CSMD2: variants seen among roughly 807,000 people sequenced by gnomAD.
CSMD2 encodes CUB and sushi domain-containing protein 2.
In CSMD2, 130 loss-of-function variants were observed where a neutral mutation model predicts 398.5. The ratio of observed to expected loss-of-function variants is 0.33; its 90% confidence interval spans 0.28 to 0.38. The LOEUF is 0.38. CSMD2 is among the 10% of genes least tolerant of loss of function. The probability of loss-of-function intolerance (pLI) is 1.00; values close to 1 mark genes in which losing one functional copy is unlikely to be tolerated. For synonymous variants in CSMD2, 1,828 were observed against 1,908.5 expected, an observed-to-expected ratio of 0.96 and a Z score of 1.10; for missense variants, 3,829 against 4,764.9, an observed-to-expected ratio of 0.80 and a Z score of 5.78.
At chr1:33,737,169 G>A (rs1426798886) in intron 15 of CSMD2, among the ~76,000 whole-genome samples, 1 of 152,184 alleles carries the variant, frequency 6.6e-6, no homozygotes, top group African/African-American at 2.4e-5. Flanking sequence ...TAATTCTACA[G>A]CTGGGAAGCA....
chr1:33,986,545 T>G (rs1646365508), intron 3 of CSMD2, among the ~76,000 whole-genome samples: 1 of 152,114 alleles, frequency 6.6e-6, no homozygotes, highest in Non-Finnish European at 1.5e-5. Context: ...CTCAGTGCCC[T>G]CCCCAGAGCT....
chr1:33,773,921 G>C (rs972649417), intron 12 of CSMD2, among the ~76,000 whole-genome samples: 2 of 152,138 alleles, frequency 1.3e-5, no homozygotes, highest in Non-Finnish European at 2.9e-5. Context: ...AAGTTGGTGT[G>C]TGTGATCCTG....
At chr1:33,523,493 G>A (rs1426143856) in intron 66 of CSMD2, 74 bp from the exon 67 acceptor site, 1 of 699,660 alleles carries the variant, frequency 1.4e-6, no homozygotes, top group African/African-American at 1.8e-5. Flanking sequence ...TGGGTTTGTG[G>A]GTGTAAGTTT....
intron 4 of CSMD2, among the ~76,000 whole-genome samples, chr1:33,920,374 C>CAAA (rs35843397): frequency 9.1e-6 from 1 of 110,096 alleles, no homozygotes; most frequent in Non-Finnish European, 2.0e-5. Flanking sequence ...ACTAAAAATA[C>CAAA]AAAAAAAAAA....
chr1:33,674,871 C>T (rs551627290), intron 25 of CSMD2, among the ~76,000 whole-genome samples: 82 of 152,162 alleles, frequency 5.4e-4, no homozygotes, highest in Non-Finnish European at 1.0e-3. Context: ...GGGTACATAA[C>T]GAAATGAAGG....
intron 24 of CSMD2, among the ~76,000 whole-genome samples, chr1:33,697,262 A>G (rs182322894): frequency 2.0e-5 from 3 of 152,260 alleles, no homozygotes; most frequent in Admixed American, 1.3e-4. Context: ...GTGTTTATGC[A>G]AGCATCACCC....
At chr1:33,884,369 A>G (rs1641443702) in intron 5 of CSMD2, among the ~76,000 whole-genome samples, 1 of 143,976 alleles carries the variant, frequency 6.9e-6, no homozygotes, top group African/African-American at 2.8e-5. Context: ...GGGGCACCTC[A>G]AACTTAAGAT....
At chr1:34,092,247 A>G (rs1658657147) in intron 1 of CSMD2, among the ~76,000 whole-genome samples, 1 of 152,242 alleles carries the variant, frequency 6.6e-6, no homozygotes, top group South Asian at 2.1e-4. Flanking sequence ...TTGAGTGGAT[A>G]CAGAAAGGTT....
At chr1:33,929,514 T>G (rs1644244964) in intron 4 of CSMD2, among the ~76,000 whole-genome samples, 1 of 145,546 alleles carries the variant, frequency 6.9e-6, no homozygotes, top group Non-Finnish European at 1.5e-5. Context: ...CTCAGCTCAC[T>G]GAAACCTCCA....
At chr1:33,955,289 G>A (rs745854010) in intron 3 of CSMD2, among the ~76,000 whole-genome samples, 32 of 152,152 alleles carry the variant, frequency 2.1e-4, no homozygotes, top group Non-Finnish European at 3.4e-4. Flanking sequence ...GGAGTGTGCC[G>A]AGCTTTGTTG....
At chr1:34,079,069 T>C (rs1431584300) in intron 2 of CSMD2, among the ~76,000 whole-genome samples, 1 of 152,198 alleles carries the variant, frequency 6.6e-6, no homozygotes, top group African/African-American at 2.4e-5. Flanking sequence ...CAGTGCATTT[T>C]CCACACTGCC....
At chr1:33,583,349 T>C (rs1246724621) in intron 47 of CSMD2, among the ~76,000 whole-genome samples, 1 of 152,216 alleles carries the variant, frequency 6.6e-6, no homozygotes, top group Non-Finnish European at 1.5e-5. Flanking sequence ...CACTCTTCAC[T>C]TGGGAATACT....
At position 33,533,891 on chromosome 1, in the gene CSMD2, A is replaced by T. The variant is rs138961221; in HGVS notation, c.9896T>A (p.Leu3299His). 37 of 1,613,160 alleles carry T rather than the reference A, an allele frequency of 2.3e-5. No individual in the cohort carries two copies. The highest frequency in any genetic ancestry group is 1.2e-4 in the Admixed American group (7 of 60,004). The change falls in exon 63 of 71, where the codon CTC becomes CAC. Residue 3299 changes from leucine (L) to histidine (H), a missense_variant. Leu to His is a moderately conservative substitution (Grantham distance 99). Around this residue, in one of 5 missense-constraint regions of CSMD2, gnomAD observed 917 missense variants for 1,199.5 expected, o/e 0.76. Transcript: ENST00000373381. This position sits in a 1 kb window ranked among gnomAD's most constrained non-coding sequence, Gnocchi z 4.2. ...SQGYQVGSTV[L>H]FRCQKGYLLQ... ...CAGGTAGCCTTTTTGACAACGGAAG[A>T]GGACTGTGCTTCCAACCTGCGGCAA...
At chr1:34,153,162 G>A (rs1640488934) in intron 1 of CSMD2, among the ~76,000 whole-genome samples, 1 of 152,128 alleles carries the variant, frequency 6.6e-6, no homozygotes, top group African/African-American at 2.4e-5. Flanking sequence ...GACTACAGGT[G>A]CGCACCAACG....
At chr1:33,576,804 G>GT (rs369948744) in intron 49 of CSMD2, among the ~76,000 whole-genome samples, 96 of 144,342 alleles carry the variant, frequency 6.7e-4, no homozygotes, top group Admixed American at 2.7e-3. Context: ...ATTATCTACC[G>GT]TTTTTTTTTT....
Position 33,524,961 on chromosome 1 carries a change from T to C in CSMD2, c.10317A>G (p.Arg3439=), listed in dbSNP as rs1406263408. Residue 3439 remains arginine (R), a synonymous_variant, in exon 66 of 71, where the codon AGA becomes AGG. Transcript: ENST00000373381. ...YQGKKQPAML[R]VTGFQVANSK... ...TGTTGGCAACTTGGAAGCCAGTCACTCTGAGCATGGCTGGCTGCTTCTTCC... is the reference window on the plus strand; with the variant it reads ...TGTTGGCAACTTGGAAGCCAGTCACCCTGAGCATGGCTGGCTGCTTCTTCC... The C allele has an allele frequency of 2.5e-6, 4 of 1,614,228 alleles. No homozygotes were observed. The highest frequency in any genetic ancestry group is 3.4e-6 in the Non-Finnish European group (4 of 1,180,020).
rs559970121 is a variant in CSMD2, at chr1:34,018,459, T to C, written c.517+14135A>G. On this transcript the variant is annotated intron_variant, in intron 3 of 70. Coordinates refer to ENST00000373381, the MANE Select transcript of CSMD2 (RefSeq NM_001281956.2). ...GACATGAGCATTTTATGACTCTTGA[T>C]ACATACTGTCAAGCTGGATTTCCAA... Among the ~76,000 whole-genome samples the C allele has an allele frequency of 3.9e-5, 6 of 152,390 alleles. No homozygotes were observed. The South Asian group carries it at 1.2e-3, about 32-fold the overall frequency.
intron 3 of CSMD2, among the ~76,000 whole-genome samples, chr1:33,979,684 TTGTG>T (rs1341402396): frequency 1.4e-5 from 2 of 142,614 alleles, no homozygotes; most frequent in Non-Finnish European, 3.2e-5. Flanking sequence ...CTGGAAAAGC[TTGTG>T]TGTGTTTTAT....
chr1:34,117,930 G>A (rs562871400), intron 1 of CSMD2, among the ~76,000 whole-genome samples: 1 of 152,250 alleles, frequency 6.6e-6, no homozygotes, highest in African/African-American at 2.4e-5. Context: ...AAAACACTCA[G>A]CCAGGCGTGG....
Sources: gnomAD v4.1 joint callset for allele counts (sites outside exome capture counted in the v4.1 genomes callset) on GRCh38, gnomAD v4.1.1 for gene constraint, gnomAD v4.1.1 regional missense constraint, Gnocchi (gnomAD v3.1) non-coding constraint, MANE v1.5 for transcripts, NCBI Gene and HGNC (gene_info 2026-07-23, HGNC 2026-07-21) for gene names.